NRXN1: variants seen among roughly 807,000 people sequenced by gnomAD.
NRXN1 encodes the protein neurexin-1.
In NRXN1, 39 loss-of-function variants were observed where a neutral mutation model predicts 150.9. The ratio of observed to expected loss-of-function variants is 0.26; its 90% CI spans 0.20 to 0.34. The LOEUF (loss-of-function observed/expected upper bound fraction) is 0.34. Among genes scored for constraint, NRXN1 ranks in the 10% least tolerant of loss-of-function variants. NRXN1 has a pLI of 1.00. For synonymous variants in NRXN1, 924 were observed against 757.0 expected (o/e 1.22, Z -3.62); for missense variants, 1,815 against 1,949.9 (o/e 0.93, Z 1.30).
At chr2:50,431,970 G>T (rs1294949913) in intron 17 of NRXN1, among the ~76,000 whole-genome samples, 1 of 152,184 alleles carries the variant, frequency 6.6e-6, no homozygotes, top group Non-Finnish European at 1.5e-5. Context: ...AAGCATCACT[G>T]TATGTAATCC....
chr2:49,935,472 G>A (rs1670871978), intron 22 of NRXN1, among the ~76,000 whole-genome samples: 1 of 151,992 alleles, frequency 6.6e-6, no homozygotes, highest in Non-Finnish European at 1.5e-5. Context: ...TCTGGTCTTT[G>A]CTATTATATT....
intron 15 of NRXN1, among the ~76,000 whole-genome samples, chr2:50,477,692 C>T (rs1032844833): frequency 2.0e-5 from 3 of 152,026 alleles, no homozygotes; most frequent in Non-Finnish European, 2.9e-5. Flanking sequence ...AAAAAGCATA[C>T]AGAAAAAGGA....
intron 18 of NRXN1, among the ~76,000 whole-genome samples, chr2:50,158,388 CAG>C (rs1433162645): frequency 1.3e-5 from 2 of 151,464 alleles, no homozygotes; most frequent in African/African-American, 4.8e-5. Flanking sequence ...CATTCATAGA[CAG>C]TACATTTTCT....
At chr2:50,389,918 T>C (rs998581519) in intron 17 of NRXN1, among the ~76,000 whole-genome samples, 1 of 152,206 alleles carries the variant, frequency 6.6e-6, no homozygotes, top group African/African-American at 2.4e-5. Context: ...TTATGGTATC[T>C]AATTTCTTTT....
At chr2:50,972,248 TA>T (rs1278689623) in intron 2 of NRXN1, among the ~76,000 whole-genome samples, 1 of 152,164 alleles carries the variant, frequency 6.6e-6, no homozygotes, top group Non-Finnish European at 1.5e-5. Flanking sequence ...CTCATGTTGC[TA>T]AATAATAAAG....
At chr2:50,370,073 A>G (rs2153018756) in intron 17 of NRXN1, among the ~76,000 whole-genome samples, 1 of 151,906 alleles carries the variant, frequency 6.6e-6, no homozygotes. Context: ...TCCATTATCT[A>G]CTCCTATACT....
chr2:50,991,474 C>G (rs1270445182), intron 2 of NRXN1, among the ~76,000 whole-genome samples: 2 of 152,002 alleles, frequency 1.3e-5, no homozygotes, highest in Non-Finnish European at 2.9e-5. Context: ...TCCTGATAAT[C>G]TACTCAACTA....
rs544698908 is a variant in NRXN1 at position 50,638,540 on chromosome 2, AC to A, written c.833-14926del. On this transcript the variant is annotated intron_variant, in intron 5 of 22. Coordinates refer to ENST00000401669, the MANE Select transcript of NRXN1 (RefSeq NM_001330078.2). ...CATTCTGGCCAAACTGAATAACACT[AC>A]CTCTTGAATATGTAGTTATAATTCA... Among the ~76,000 whole-genome samples the A allele has an allele frequency of 1.3e-3, 205 of 152,168 alleles. 1 individual carries two copies. Among genetic ancestry groups the A allele is most frequent in the African/African-American group, 4.8e-3 (201 of 41,506 alleles).
chr2:50,648,698 G>A (rs919038796), intron 5 of NRXN1, among the ~76,000 whole-genome samples: 1 of 151,872 alleles, frequency 6.6e-6, no homozygotes, highest in Non-Finnish European at 1.5e-5. Context: ...GGATTTAATG[G>A]GTCAGCAAGC....
intron 17 of NRXN1, among the ~76,000 whole-genome samples, chr2:50,270,106 G>A (rs907730779): frequency 6.6e-6 from 1 of 151,974 alleles, no homozygotes; most frequent in African/African-American, 2.4e-5. Context: ...TGTATTTCAA[G>A]GTACAAATGA....
chr2:50,087,873 A>G (rs942528591), intron 19 of NRXN1, among the ~76,000 whole-genome samples: 1 of 152,154 alleles, frequency 6.6e-6, no homozygotes, highest in African/African-American at 2.4e-5. Context: ...CATTAAAGGT[A>G]TAGTGTTGCT....
At chr2:50,551,077 G>GAA (rs1553775815) in intron 9 of NRXN1, among the ~76,000 whole-genome samples, 20 of 52,394 alleles carry the variant, frequency 3.8e-4, no homozygotes, top group African/African-American at 5.2e-4. Context: ...AAGAAGAAGA[G>GAA]GAGGAGGAGG....
intron 5 of NRXN1, among the ~76,000 whole-genome samples, chr2:50,709,051 CT>C (rs906100810): frequency 1.9e-4 from 29 of 152,106 alleles, no homozygotes; most frequent in African/African-American, 7.0e-4. Flanking sequence ...AAGAGCCAGC[CT>C]TTATGGGAGC....
intron 21 of NRXN1, among the ~76,000 whole-genome samples, chr2:49,968,056 T>G (rs571812157): frequency 6.6e-6 from 1 of 152,036 alleles, no homozygotes; most frequent in South Asian, 2.1e-4. Context: ...TTATTATTAC[T>G]TATTCAAAAT....
At chr2:50,473,988 CTT>C (rs1175916674) in intron 15 of NRXN1, among the ~76,000 whole-genome samples, 1 of 151,942 alleles carries the variant, frequency 6.6e-6, no homozygotes, top group African/African-American at 2.4e-5. Context: ...CTAACTAAAA[CTT>C]AAGTTTTATA....
At chr2:50,200,652 T>C (rs575524262) in intron 18 of NRXN1, among the ~76,000 whole-genome samples, 1 of 152,228 alleles carries the variant, frequency 6.6e-6, no homozygotes, top group African/African-American at 2.4e-5. Context: ...AAAGACTTTG[T>C]AGCAATCTGG....
intron 5 of NRXN1, among the ~76,000 whole-genome samples, chr2:50,650,221 G>A (rs991650999): frequency 6.6e-5 from 10 of 152,002 alleles, no homozygotes; most frequent in Non-Finnish European, 1.0e-4. Context: ...TCCTGAATAG[G>A]AGGCCCATGC....
At chr2:50,606,403 A>C (rs758672176) in intron 8 of NRXN1, among the ~76,000 whole-genome samples, 1 of 151,982 alleles carries the variant, frequency 6.6e-6, no homozygotes, top group East Asian at 1.9e-4. Context: ...TCTATGTCAT[A>C]GAAGCAAAGA....
intron 18 of NRXN1, among the ~76,000 whole-genome samples, chr2:50,220,937 C>T (rs998906646): frequency 6.6e-6 from 1 of 151,928 alleles, no homozygotes; most frequent in East Asian, 1.9e-4. Context: ...AATTAAATAT[C>T]CTGCCCACCA....
Sources: allele counts gnomAD v4.1 joint callset (sites outside exome capture counted in the v4.1 genomes callset), GRCh38; gene constraint gnomAD v4.1.1; transcripts MANE v1.5; gene names NCBI Gene and HGNC (gene_info 2026-07-23, HGNC 2026-07-21).